Variants in LY96 observed in about 807,000 individuals in gnomAD.
LY96 encodes myeloid differentiation protein-2.
Under a neutral mutation model 18.9 loss-of-function variants are expected in LY96, and 18 were observed. The observed-to-expected ratio is 0.95, with a 90% CI of 0.66 to 1.41. LY96 has a LOEUF of 1.41. LY96 is among the 40% of genes most tolerant of loss of function. The probability of loss-of-function intolerance (pLI) is 0.00; values close to 1 mark genes in which losing one functional copy is unlikely to be tolerated. For synonymous variants in LY96, 66 were observed against 62.6 expected, an observed-to-expected ratio of 1.06 and a Z score of -0.26; for missense variants, 175 against 182.4, an observed-to-expected ratio of 0.96 and a Z score of 0.23.
At chr8:74,081,337 C>A in the LY96 span, among the ~76,000 whole-genome samples, 5 of 151,282 alleles carry the variant, frequency 3.3e-5, no homozygotes, top group South Asian at 1.0e-3. Context: ...CTTGCTGCAG[C>A]CTTGACCTCC....
the LY96 span, among the ~76,000 whole-genome samples, chr8:74,037,383 C>A: frequency 1.8e-4 from 28 of 152,118 alleles, no homozygotes; most frequent in African/African-American, 6.8e-4. Context: ...AAACCCAGCA[C>A]TTTGGGAGGC....
At chr8:74,046,256 G>T in the LY96 span, among the ~76,000 whole-genome samples, 2 of 152,292 alleles carry the variant, frequency 1.3e-5, no homozygotes, top group East Asian at 1.9e-4. Context: ...TCAGGCCTGG[G>T]TGACAGAGTG....
intron 3 of LY96, among the ~76,000 whole-genome samples, chr8:74,024,921 GGGATCAA>G (rs1816837979): frequency 6.6e-6 from 1 of 152,120 alleles, no homozygotes; most frequent in African/African-American, 2.4e-5. Context: ...TCTACCTACT[GGGATCAA>G]GTGATCCTCC....
chr8:74,014,078 AAG>A (rs1816588146), intron 3 of LY96, among the ~76,000 whole-genome samples: 1 of 150,892 alleles, frequency 6.6e-6, no homozygotes, highest in Non-Finnish European at 1.5e-5. Context: ...GAGGAGATGA[AAG>A]AGAGATTTTT....
At chr8:74,013,504 T>A (rs894954813) in intron 3 of LY96, among the ~76,000 whole-genome samples, 1 of 152,062 alleles carries the variant, frequency 6.6e-6, no homozygotes, top group Non-Finnish European at 1.5e-5. Context: ...CCCAGGCTGG[T>A]GTTGAACTCC....
intron 3 of LY96, among the ~76,000 whole-genome samples, chr8:74,020,049 A>G (rs887140683): frequency 1.3e-5 from 2 of 152,196 alleles, no homozygotes; most frequent in African/African-American, 4.8e-5. Context: ...TACTCAACAT[A>G]GTGTTGGAAG....
chr8:74,038,024 G>A, the LY96 span, among the ~76,000 whole-genome samples: 2 of 152,020 alleles, frequency 1.3e-5, no homozygotes, highest in African/African-American at 4.8e-5. Context: ...TAATTCTTAT[G>A]GGTACATAGT....
intron 3 of LY96, among the ~76,000 whole-genome samples, chr8:74,025,187 G>A (rs764711553): frequency 2.0e-4 from 30 of 152,312 alleles, no homozygotes; most frequent in Non-Finnish European, 3.7e-4. Flanking sequence ...AGAAGGGACA[G>A]AGTTGTACTA....
At chr8:74,045,272 G>A in the LY96 span, among the ~76,000 whole-genome samples, 1 of 152,184 alleles carries the variant, frequency 6.6e-6, no homozygotes, top group African/African-American at 2.4e-5. Flanking sequence ...GCTGTTTCAT[G>A]CCTTAACATG....
the LY96 span, among the ~76,000 whole-genome samples, chr8:74,089,955 G>A: frequency 2.6e-5 from 4 of 152,140 alleles, no homozygotes; most frequent in African/African-American, 9.7e-5. Flanking sequence ...GATGGTTGGT[G>A]TGGAAGATTG....
At chr8:74,079,032 A>C in the LY96 span, among the ~76,000 whole-genome samples, 2 of 152,190 alleles carry the variant, frequency 1.3e-5, no homozygotes, top group African/African-American at 4.8e-5. Context: ...GTGTCTGTGA[A>C]GATGTTTCTC....
intron 2 of LY96, among the ~76,000 whole-genome samples, chr8:74,006,323 G>T (rs1000369866): frequency 6.6e-6 from 1 of 151,948 alleles, no homozygotes; most frequent in Non-Finnish European, 1.5e-5. Flanking sequence ...TCAGCCTCCC[G>T]GGTAGCTGGG....
the LY96 span, among the ~76,000 whole-genome samples, chr8:74,039,947 C>A: frequency 6.6e-6 from 1 of 152,146 alleles, no homozygotes; most frequent in African/African-American, 2.4e-5. Flanking sequence ...TTCCCTGACT[C>A]CTCCAAGGAA....
At chr8:74,001,457 G>T (rs1413815815) in intron 1 of LY96, among the ~76,000 whole-genome samples, 1 of 152,024 alleles carries the variant, frequency 6.6e-6, no homozygotes, top group Non-Finnish European at 1.5e-5. Flanking sequence ...TTGAACTCCT[G>T]ACCTCAAACC....
the LY96 span, among the ~76,000 whole-genome samples, chr8:74,047,381 C>A: frequency 1.3e-5 from 2 of 152,184 alleles, no homozygotes; most frequent in Non-Finnish European, 2.9e-5. Flanking sequence ...TCTCACTGTG[C>A]TTCTGTCCCC....
the LY96 span, among the ~76,000 whole-genome samples, chr8:74,088,137 AT>A: frequency 1.3e-3 from 200 of 150,996 alleles, 1 homozygote; most frequent in African/African-American, 4.7e-3. Context: ...ATAGAATAGA[AT>A]AGAATAGAAT....
chr8:74,013,482 C>G (rs73335845), intron 3 of LY96, among the ~76,000 whole-genome samples: 34,641 of 151,928 alleles, frequency 0.23, 4,425 homozygotes, highest in African/African-American at 0.34. Flanking sequence ...GAGATAAGGT[C>G]TCACCATCTT....
the LY96 span, among the ~76,000 whole-genome samples, chr8:74,073,154 C>T: frequency 6.6e-6 from 1 of 152,144 alleles, no homozygotes; most frequent in African/African-American, 2.4e-5. Flanking sequence ...TGCCTCTGAC[C>T]TTGATAGTGT....
the LY96 span, among the ~76,000 whole-genome samples, chr8:74,096,542 A>G: frequency 6.6e-6 from 1 of 152,074 alleles, no homozygotes; most frequent in Non-Finnish European, 1.5e-5. Context: ...CCTAAGTACC[A>G]TTGCAACCCT....
Sources: allele counts gnomAD v4.1 joint callset (sites outside exome capture counted in the v4.1 genomes callset), GRCh38; gene constraint gnomAD v4.1.1; transcripts MANE v1.5; gene names NCBI Gene and HGNC (gene_info 2026-07-23, HGNC 2026-07-21).